DOP1A: variants seen among roughly 807,000 people sequenced by gnomAD.
DOP1A encodes DOP1 leucine zipper like protein A, also known as protein DOP1A.
In DOP1A, 90 loss-of-function variants were observed where a neutral mutation model predicts 267.6. The ratio of observed to expected loss-of-function variants is 0.34; its 90% CI spans 0.28 to 0.40. The LOEUF (loss-of-function observed/expected upper bound fraction) is 0.40. DOP1A is among the 10% of genes least tolerant of loss of function. The probability of loss-of-function intolerance (pLI) is 1.00; values close to 1 mark genes in which losing one functional copy is unlikely to be tolerated. For synonymous variants in DOP1A, 932 were observed against 999.1 expected, an observed-to-expected ratio of 0.93 and a Z score of 1.27; for missense variants, 2,437 against 2,900.4, an observed-to-expected ratio of 0.84 and a Z score of 3.67.
rs1583069873 is a variant in DOP1A at position 83,138,685 on chromosome 6, C to T, written c.4643C>T (p.Ala1548Val). 2 of 1,613,928 alleles carry T rather than the reference C, an allele frequency of 1.2e-6. No individual in the cohort carries two copies. Among genetic ancestry groups the T allele is most frequent in the East Asian group, 2.2e-5 (1 of 44,880 alleles). ...CAGAAATGGCATAGTGAAAAAATGG[C>T]AGGTAAGAACCTGGTTGCTGTGGAA... is the stretch of plus-strand genomic sequence containing the variant. ...SAQKWHSEKM[A>V]GKNLVAVEEG... is the part of the protein sequence containing the mutation. The change falls in exon 21 of 39, where the codon GCA (alanine) becomes GTA (valine). Residue 1548 changes from alanine to valine, a missense_variant. Transcript: ENST00000349129.
rs1359057547 is a variant in DOP1A, at chr6:83,129,070, T to C, written c.1903T>C (p.Ser635Pro). 1 of 1,613,940 alleles carries C rather than the reference T, an allele frequency of 6.2e-7. No individual in the cohort carries two copies. The highest frequency in any genetic ancestry group is 1.1e-5 in the South Asian group (1 of 91,070). Reference sequence around the variant, plus strand: ...AGCTGCCATCCCAATTGGTAGCACATCCTCTGAGACAGAAACAGCATCCAC... The same window carrying C: ...AGCTGCCATCCCAATTGGTAGCACACCCTCTGAGACAGAAACAGCATCCAC... ...GAAAIPIGST[S>P]SETETASTVG... is the part of the protein sequence containing the mutation. The change falls in exon 16 of 39, where the codon TCC becomes CCC. Residue 635 changes from serine to proline, a missense_variant. By Grantham distance (74) the Ser-to-Pro change is moderately conservative. Transcript: ENST00000349129.
Position 83,138,139 on chromosome 6 carries a change from A to G in DOP1A, c.4097A>G (p.Tyr1366Cys), listed in dbSNP as rs755156813. Reference protein sequence around the residue: ...KSPNFNIHPLYQHVLLYLQLY... With the variant: ...KSPNFNIHPLCQHVLLYLQLY... ...CCCAATTTCAACATTCATCCTCTCT[A>G]TCAACATGTGCTCCTGTATCTCCAG... Residue 1366 changes from tyrosine (Y) to cysteine (C), a missense_variant, in exon 21 of 39, where the codon TAT becomes TGT. Around this residue, in one of 9 missense-constraint regions of DOP1A, gnomAD observed 878 missense variants for 992.9 expected, o/e 0.88. Coordinates refer to ENST00000349129, the MANE Select transcript of DOP1A (RefSeq NM_015018.4). 1.7e-5 allele frequency: 27 copies of G among 1,613,836 alleles called. No homozygotes were observed. Among genetic ancestry groups the G allele is most frequent in the African/African-American group, 5.3e-5 (4 of 74,910 alleles).
chr6:83,075,182 C>A lies in DOP1A; in HGVS notation c.-147+7403C>A, dbSNP rs369163005. Reference sequence around the variant, plus strand: ...TTAGCACTTTAAAAATCAATGTATACACTTAATTCATTATTTTTACCAACT... The same window carrying A: ...TTAGCACTTTAAAAATCAATGTATAAACTTAATTCATTATTTTTACCAACT... On this transcript the variant is annotated intron_variant, in intron 1 of 38. Coordinates refer to ENST00000349129, the MANE Select transcript of DOP1A (RefSeq NM_015018.4). Among the ~76,000 whole-genome samples, 16 of 152,260 alleles carry A rather than the reference C, an allele frequency of 1.1e-4. No homozygotes were observed. In the East Asian group the frequency reaches 2.7e-3, roughly 26 times the overall value.
At chr6:83,077,103 T>G (rs1198296925) in intron 1 of DOP1A, among the ~76,000 whole-genome samples, 1 of 152,226 alleles carries the variant, frequency 6.6e-6, no homozygotes, top group Non-Finnish European at 1.5e-5. Context: ...AATTGTTGTT[T>G]AATGGGTATA....
chr6:83,079,271 G>A lies in DOP1A; in HGVS notation c.-147+11492G>A, dbSNP rs75765662. On this transcript the variant is annotated intron_variant, in intron 1 of 38. Transcript: ENST00000349129. Reference sequence around the variant, plus strand: ...TTTGATCTTATCTTTTAAATACATAGGCATGATTGAATTTGCATCTCAGTG... The same window carrying A: ...TTTGATCTTATCTTTTAAATACATAAGCATGATTGAATTTGCATCTCAGTG... Among the ~76,000 whole-genome samples, 378 of 152,228 alleles carry A rather than the reference G, an allele frequency of 2.5e-3. 5 individuals are homozygous for A. Among genetic ancestry groups the A allele is most frequent in the East Asian group, 0.023 (121 of 5,178 alleles).
Position 83,137,217 on chromosome 6 carries a change from C to A in DOP1A, c.3175C>A (p.Pro1059Thr). The change falls in exon 21 of 39, where the codon CCA becomes ACA. Residue 1059 changes from proline to threonine, a missense_variant. By Grantham distance (38) the Pro-to-Thr change is conservative. Around this residue, in one of 9 missense-constraint regions of DOP1A, gnomAD observed 878 missense variants for 992.9 expected, o/e 0.88. Coordinates refer to ENST00000349129, the MANE Select transcript of DOP1A (RefSeq NM_015018.4). ...CACATCAAAAGGAAATGGTGAAAAG[C>A]CACTTACCATGGATGAAATAGAGAA... is the stretch of plus-strand genomic sequence containing the variant. Reference protein sequence around the residue: ...LITSKGNGEKPLTMDEIENFS... With the variant: ...LITSKGNGEKTLTMDEIENFS... The A allele has an allele frequency of 6.3e-7, 1 of 1,589,882 alleles. No homozygotes were observed. Among genetic ancestry groups the A allele is most frequent in the Non-Finnish European group, 8.6e-7 (1 of 1,166,794 alleles).
intron 15 of DOP1A, among the ~76,000 whole-genome samples, chr6:83,127,784 T>C (rs149083464): frequency 1.5e-3 from 235 of 152,298 alleles, no homozygotes; most frequent in Middle Eastern, 3.4e-3. Context: ...CACTAACACT[T>C]AATGAGTGTT....
At chr6:83,101,917 A>T (rs1159172135) in intron 4 of DOP1A, among the ~76,000 whole-genome samples, 4 of 152,136 alleles carry the variant, frequency 2.6e-5, no homozygotes, top group African/African-American at 9.7e-5. Context: ...AATCCCAAAT[A>T]AAATATTATT....
intron 1 of DOP1A, among the ~76,000 whole-genome samples, chr6:83,070,520 C>A (rs1039633432): frequency 1.6e-4 from 25 of 152,072 alleles, no homozygotes; most frequent in African/African-American, 5.8e-4. Context: ...TATATATGCA[C>A]CCGTGTAGCT....
rs144041374 is a variant in DOP1A, at chr6:83,141,923, C to T, written c.5418C>T (p.Asn1806=). 3.8e-6 allele frequency: 6 copies of T among 1,592,632 alleles called. No individual in the cohort carries two copies. Among genetic ancestry groups the T allele is most frequent in the Middle Eastern group, 1.7e-4 (1 of 6,030 alleles). Residue 1806 remains asparagine (N), a splice_region_variant and synonymous_variant, in exon 24 of 39, where the codon AAC becomes AAT. Transcript: ENST00000349129. Reference sequence around the variant, plus strand: ...TCATTTGCTTCAAATTGTTTTAGAACTTGAGACAACAGATTCTTGAATTGT... The same window carrying T: ...TCATTTGCTTCAAATTGTTTTAGAATTTGAGACAACAGATTCTTGAATTGT... ...LTTINLGATK[N]LRQQILELLG...
intron 11 of DOP1A, 28 bp from the exon 12 acceptor site, chr6:83,122,835 G>GT: frequency 7.1e-7 from 1 of 1,407,704 alleles, no homozygotes; most frequent in Non-Finnish European, 9.4e-7. Flanking sequence ...ATATTTTTTA[G>GT]TTTTTGTTTT....
At chr6:83,132,107 CT>C in intron 17 of DOP1A, 68 bp from the exon 18 acceptor site, 1 of 1,544,810 alleles carries the variant, frequency 6.5e-7, no homozygotes, top group African/African-American at 1.4e-5. Context: ...TCATTTGTAC[CT>C]AATAGGAAAT....
chr6:83,137,831 G>C lies in DOP1A; in HGVS notation c.3789G>C (p.Arg1263Ser), dbSNP rs771702657. 6.2e-7 allele frequency: 1 copy of C among 1,613,712 alleles called. No individual in the cohort carries two copies. Among genetic ancestry groups the C allele is most frequent in the Admixed American group, 1.7e-5 (1 of 59,986 alleles). ...CCATAGAAACCAAATCTAGACAAAG[G>C]AGTCACAGTAGTATTCAATTCAGCT... ...VASIETKSRQ[R>S]SHSSIQFSFK... The change falls in exon 21 of 39, where the codon AGG becomes AGC. Residue 1263 changes from arginine (R) to serine (S), a missense_variant. Arg to Ser is a moderately radical substitution (Grantham distance 110, BLOSUM62 -1). Around this residue, in one of 9 missense-constraint regions of DOP1A, gnomAD observed 878 missense variants for 992.9 expected, o/e 0.88. Coordinates refer to ENST00000349129, the MANE Select transcript of DOP1A (RefSeq NM_015018.4).
At chr6:83,161,829 A>G (rs59836263) in intron 37 of DOP1A, among the ~76,000 whole-genome samples, 4,360 of 152,236 alleles carry the variant, frequency 0.029, 152 homozygotes, top group East Asian at 0.084. Context: ...CCAAGGATTT[A>G]TCCTGTCTCT....
In DOP1A at chr6:83,134,233, T is replaced by G. The variant is rs1778523401; in HGVS notation, c.2816T>G (p.Leu939Arg). The G allele has an allele frequency of 1.9e-6, 3 of 1,613,070 alleles. No individual in the cohort carries two copies. The African/African-American group carries it at 4.0e-5, about 22-fold the overall frequency. The stretch of plus-strand genomic sequence containing the variant: ...GCCAAGTTTGCAGTTCTTTGGCATC[T>G]AACGAGAGATCTCCATATAAATAAA... ...AHAKFAVLWH[L>R]TRDLHINKSS... The change falls in exon 19 of 39, where the codon CTA becomes CGA. Residue 939 changes from leucine to arginine, a missense_variant. Leu to Arg is a moderately radical substitution (Grantham distance 102). Around this residue, in one of 9 missense-constraint regions of DOP1A, gnomAD observed 878 missense variants for 992.9 expected, o/e 0.88. Transcript: ENST00000349129.
chr6:83,160,273 C>T (rs934193551), intron 37 of DOP1A, among the ~76,000 whole-genome samples: 4 of 152,180 alleles, frequency 2.6e-5, no homozygotes, highest in Non-Finnish European at 5.9e-5. Flanking sequence ...ACTGAGGCCA[C>T]ATAGCAGAGA....
intron 1 of DOP1A, among the ~76,000 whole-genome samples, chr6:83,094,967 C>G (rs1479218442): frequency 1.3e-5 from 2 of 152,124 alleles, no homozygotes; most frequent in African/African-American, 2.4e-5. Context: ...GAATCTCACT[C>G]TGTTGCCCAG....
intron 18 of DOP1A, 40 bp from the exon 19 acceptor site, chr6:83,134,147 G>C: frequency 6.4e-7 from 1 of 1,551,466 alleles, no homozygotes; most frequent in Middle Eastern, 1.7e-4. Flanking sequence ...GTATCTTCAA[G>C]AGAGAAGAAC....
intron 27 of DOP1A, among the ~76,000 whole-genome samples, chr6:83,150,171 T>C (rs1781360012): frequency 2.6e-5 from 4 of 152,166 alleles, no homozygotes; most frequent in Non-Finnish European, 5.9e-5. Context: ...GCCCAGAGTT[T>C]GAGACCAGCC....
Sources: gnomAD v4.1 joint callset for allele counts (sites outside exome capture counted in the v4.1 genomes callset) on GRCh38, gnomAD v4.1.1 for gene constraint, gnomAD v4.1.1 regional missense constraint, MANE v1.5 for transcripts, NCBI Gene and HGNC (gene_info 2026-07-23, HGNC 2026-07-21) for gene names.